EYS: variants seen among roughly 807,000 people sequenced by gnomAD.
EYS encodes the protein protein eyes shut homolog.
EYS carries 250 observed loss-of-function variants against 282.1 expected under a neutral mutation model. The ratio of observed to expected loss-of-function variants is 0.89; its 90% CI spans 0.80 to 0.98. The LOEUF is 0.98. EYS is among the 50% of genes least tolerant of loss of function. The pLI is 0.00. For synonymous variants in EYS, 1,355 were observed against 1,282.9 expected, an observed-to-expected ratio of 1.06 and a Z score of -1.20; for missense variants, 4,016 against 3,709.0, an observed-to-expected ratio of 1.08 and a Z score of -2.15.
At chr6:64,171,686 A>G (rs556638531) in intron 31 of EYS, among the ~76,000 whole-genome samples, 1 of 152,314 alleles carries the variant, frequency 6.6e-6, no homozygotes, top group South Asian at 2.1e-4. Flanking sequence ...GTGATAACAG[A>G]AATTATTGTC....
At chr6:65,352,025 C>T (rs375252360) in intron 9 of EYS, among the ~76,000 whole-genome samples, 3 of 151,826 alleles carry the variant, frequency 2.0e-5, no homozygotes, top group South Asian at 4.1e-4. Flanking sequence ...ATAACAGAGT[C>T]TCTGAAAGTT....
chr6:65,024,849 C>G (rs1461130188), intron 13 of EYS, among the ~76,000 whole-genome samples: 3 of 152,096 alleles, frequency 2.0e-5, no homozygotes. Context: ...TCAGCTATAC[C>G]TCTAAGCTTT....
At chr6:65,503,414 G>C (rs980875194) in intron 2 of EYS, among the ~76,000 whole-genome samples, 5 of 151,440 alleles carry the variant, frequency 3.3e-5, no homozygotes, top group Admixed American at 2.6e-4. Context: ...AGTTATTTTT[G>C]TTCTCTTAAC....
At chr6:63,916,634 G>C (rs1764429237) in intron 35 of EYS, among the ~76,000 whole-genome samples, 1 of 152,086 alleles carries the variant, frequency 6.6e-6, no homozygotes, top group South Asian at 2.1e-4. Flanking sequence ...TTCTTCATCA[G>C]ATATATAATT....
rs772576838 is a variant in EYS, at chr6:64,997,713, A to G, written c.2138-10T>C. On this transcript the variant is annotated splice_polypyrimidine_tract_variant and intron_variant, in intron 13 of 42. Transcript: ENST00000503581. ...GAAAAGCCATCAACCACTGGAAACA[A>G]CAGAAAAGAGAAAACTCTTAACATT... 6.5e-7 allele frequency: 1 copy of G among 1,550,064 alleles called. No homozygotes were observed.
At chr6:64,560,730 A>G (rs1765367670) in intron 26 of EYS, among the ~76,000 whole-genome samples, 1 of 152,182 alleles carries the variant, frequency 6.6e-6, no homozygotes, top group African/African-American at 2.4e-5. Flanking sequence ...AGTTTGTTAT[A>G]TAAAAATAGG....
At chr6:64,932,576 C>G (rs1768762266) in intron 15 of EYS, among the ~76,000 whole-genome samples, 1 of 151,906 alleles carries the variant, frequency 6.6e-6, no homozygotes, top group Non-Finnish European at 1.5e-5. Context: ...GAAAACATCA[C>G]AGCATGCAAG....
At chr6:65,481,099 A>G (rs1027372877) in intron 5 of EYS, among the ~76,000 whole-genome samples, 2 of 152,186 alleles carry the variant, frequency 1.3e-5, no homozygotes, top group Admixed American at 1.3e-4. Context: ...TCAAAAAGCT[A>G]GAAGGGAGTA....
chr6:64,385,098 A>G (rs1772866199), intron 29 of EYS, among the ~76,000 whole-genome samples: 1 of 152,150 alleles, frequency 6.6e-6, no homozygotes. Flanking sequence ...AACAGCTTTT[A>G]ATCAGAACAC....
At chr6:65,318,396 T>G (rs1769373152) in intron 11 of EYS, among the ~76,000 whole-genome samples, 1 of 150,932 alleles carries the variant, frequency 6.6e-6, no homozygotes, top group Admixed American at 6.6e-5. Context: ...CTTCCACATC[T>G]GCTATTGTTC....
chr6:65,488,091 G>T (rs1297343326), intron 5 of EYS, among the ~76,000 whole-genome samples: 1 of 151,912 alleles, frequency 6.6e-6, no homozygotes, highest in Non-Finnish European at 1.5e-5. Flanking sequence ...CTGGCTAGTG[G>T]TATATCTATT....
intron 14 of EYS, among the ~76,000 whole-genome samples, chr6:64,990,349 A>G (rs1268542809): frequency 6.6e-6 from 1 of 151,568 alleles, no homozygotes; most frequent in African/African-American, 2.4e-5. Context: ...CTAGGAAAAA[A>G]AGTGGAATTC....
chr6:65,045,231 A>G (rs926002186), intron 13 of EYS, among the ~76,000 whole-genome samples: 1 of 151,722 alleles, frequency 6.6e-6, no homozygotes, highest in African/African-American at 2.4e-5. Context: ...ATTTCTGAAC[A>G]CTCTGATCTT....
intron 29 of EYS, among the ~76,000 whole-genome samples, chr6:64,366,235 A>G (rs1772175234): frequency 6.6e-6 from 1 of 152,010 alleles, no homozygotes; most frequent in Non-Finnish European, 1.5e-5. Flanking sequence ...GACTCCCCAA[A>G]TAGTGATATT....
chr6:64,404,378 AGAGTGTGTGTGTGT>A lies in EYS; in HGVS notation c.5928-15552_5928-15539del, dbSNP rs1267086428. ...TTTCTAAATTGTAATATAGAGTGTG[AGAGTGTGTGTGTGT>A]GTGTGTGTGTGTGTGTGTGTGCACG... On this transcript the variant is annotated intron_variant, in intron 28 of 42. Transcript: ENST00000503581. Among the ~76,000 whole-genome samples the A allele has an allele frequency of 4.8e-3, 680 of 142,802 alleles. 7 individuals carry two copies. Among genetic ancestry groups the A allele is most frequent in the African/African-American group, 0.018 (613 of 34,690 alleles). 93.7% of individuals were successfully genotyped at this position (142,802 alleles called of 152,430 possible). A position where few individuals can be genotyped will look rare whatever the true frequency, so the allele number is the denominator to read the frequency against.
intron 12 of EYS, among the ~76,000 whole-genome samples, chr6:65,059,691 G>A (rs1057335691): frequency 6.6e-6 from 1 of 152,066 alleles, no homozygotes; most frequent in African/African-American, 2.4e-5. Flanking sequence ...AGGAACTTCT[G>A]TGGTTAGATC....
At position 65,481,110 on chromosome 6, in the gene EYS, T is replaced by C. The variant is rs188605752; in HGVS notation, c.862+9484A>G. ...ATTTTCAAAAAGCTAGAAGGGAGTATTCTGAATGTTCACAACACAAAGAAA... is the reference window on the plus strand; with the variant it reads ...ATTTTCAAAAAGCTAGAAGGGAGTACTCTGAATGTTCACAACACAAAGAAA... On this transcript the variant is annotated intron_variant, in intron 5 of 42. Coordinates refer to ENST00000503581, the MANE Select transcript of EYS (RefSeq NM_001142800.2). Among the ~76,000 whole-genome samples, 875 of 152,278 alleles carry C rather than the reference T, an allele frequency of 5.7e-3. 17 individuals carry two copies. The highest frequency in any genetic ancestry group is 0.038 in the South Asian group (185 of 4,822).
At chr6:64,554,640 G>A (rs998437702) in intron 26 of EYS, among the ~76,000 whole-genome samples, 1 of 151,698 alleles carries the variant, frequency 6.6e-6, no homozygotes, top group African/African-American at 2.4e-5. Flanking sequence ...TTTCAATAAG[G>A]GATTGTTATT....
At chr6:65,536,991 GATGT>G (rs1447439278) in intron 2 of EYS, among the ~76,000 whole-genome samples, 1 of 152,134 alleles carries the variant, frequency 6.6e-6, no homozygotes, top group Non-Finnish European at 1.5e-5. Flanking sequence ...GATGTGTATT[GATGT>G]ATGTAGCCAC....
Sources: allele counts gnomAD v4.1 joint callset (sites outside exome capture counted in the v4.1 genomes callset), GRCh38; gene constraint gnomAD v4.1.1; transcripts MANE v1.5; gene names NCBI Gene and HGNC (gene_info 2026-07-23, HGNC 2026-07-21).